POGZ: variants seen among roughly 807,000 people sequenced by gnomAD.
POGZ encodes pogo transposable element with ZNF domain.
A neutral mutation model predicts 134.6 loss-of-function variants in POGZ; 17 were observed. The ratio of observed to expected loss-of-function variants is 0.13; its 90% CI spans 0.09 to 0.19. The LOEUF is 0.19. Ranked by LOEUF, POGZ falls within the 10% of genes least tolerant of loss-of-function variation. POGZ has a pLI of 1.00. For synonymous variants in POGZ, 693 were observed against 657.1 expected (o/e 1.05, Z -0.84); for missense variants, 1,306 against 1,769.7 (o/e 0.74, Z 4.70).
At chr1:151,413,144 G>A (rs1251115828) in intron 10 of POGZ, among the ~76,000 whole-genome samples, 1 of 123,900 alleles carries the variant, frequency 8.1e-6, no homozygotes, top group African/African-American at 3.1e-5. Context: ...GAATCTCACT[G>A]TTGCTCAGGC....
chr1:151,440,821 T>C (rs576607958), intron 3 of POGZ, 107 bp downstream of exon 3: 8 of 835,352 alleles, frequency 9.6e-6, no homozygotes, highest in Admixed American at 2.3e-5. Context: ...TTCCAACTAG[T>C]AGAACCACAT....
chr1:151,444,274 G>A (rs1163330520), intron 1 of POGZ, among the ~76,000 whole-genome samples: 1 of 152,126 alleles, frequency 6.6e-6, no homozygotes, highest in Non-Finnish European at 1.5e-5. Context: ...TTAATTATAT[G>A]AAGACAATAC....
At chr1:151,415,670 C>CAAAAA (rs749459920) in intron 10 of POGZ, among the ~76,000 whole-genome samples, 2 of 54,268 alleles carry the variant, frequency 3.7e-5, no homozygotes, top group Non-Finnish European at 8.7e-5. Context: ...GACTCCGTCT[C>CAAAAA]AAAAAAAAAA....
At chr1:151,443,054 A>G (rs182507863) in intron 1 of POGZ, among the ~76,000 whole-genome samples, 1 of 152,294 alleles carries the variant, frequency 6.6e-6, no homozygotes, top group African/African-American at 2.4e-5. Flanking sequence ...AAAAAGTTTA[A>G]TGTGTAATAC....
chr1:151,410,773 C>G (rs1654525578), intron 12 of POGZ, among the ~76,000 whole-genome samples: 2 of 152,174 alleles, frequency 1.3e-5, no homozygotes, highest in African/African-American at 4.8e-5. Context: ...TCCCCCCTCA[C>G]AAATATACTT....
chr1:151,451,871 TG>T (rs1425054408), intron 1 of POGZ, among the ~76,000 whole-genome samples: 2 of 151,000 alleles, frequency 1.3e-5, no homozygotes, highest in East Asian at 4.0e-4. Flanking sequence ...CCAAGGCAGG[TG>T]GATCACCTCA....
intron 1 of POGZ, among the ~76,000 whole-genome samples, chr1:151,445,936 T>C (rs1220736196): frequency 6.6e-6 from 1 of 151,930 alleles, no homozygotes; most frequent in African/African-American, 2.4e-5. Flanking sequence ...CAAAAGGAAA[T>C]CTTATACTAA....
chr1:151,429,428 C>G (rs1016321095), intron 5 of POGZ, 175 bp downstream of exon 5: 21 of 387,688 alleles, frequency 5.4e-5, no homozygotes, highest in African/African-American at 4.0e-4. Flanking sequence ...ATAAAACCAC[C>G]ACCCTGGCCA....
Position 151,404,284 on chromosome 1 carries a change from T to G in POGZ, c.*518A>C. On this transcript the variant is annotated 3_prime_UTR_variant, in exon 19 of 19. Transcript: ENST00000271715. ...ATGAAAAAAGTTTTTTATCCATATA[T>G]ATAATAAACCAGTTTGTGAGCTACA... is the stretch of plus-strand genomic sequence containing the variant. 1.0e-6 allele frequency: 1 copy of G among 983,048 alleles called. No individual in the cohort carries two copies. The highest frequency in any genetic ancestry group is 1.2e-6 in the Non-Finnish European group (1 of 827,438). The allele number at this position is 983,048 out of a possible 1,614,324, so 60.9% of individuals were successfully genotyped here.
intron 7 of POGZ, 199 bp from the exon 8 acceptor site, chr1:151,425,260 G>T: frequency 2.3e-6 from 1 of 431,724 alleles, no homozygotes; most frequent in South Asian, 2.1e-5. Flanking sequence ...GGAGTGCAGT[G>T]GCACGACCAC....
In POGZ at chr1:151,459,230, A is replaced by C. The variant is rs1415085390; in HGVS notation, c.-80T>G. On this transcript the variant is annotated 5_prime_UTR_variant, in exon 1 of 19. Transcript: ENST00000271715. ...AAAGGGACCTTACACCCGGCGCCAG[A>C]AGGGGGTGGGAGCAGGGGGAGGGGA... 1 of 147,922 alleles carries C rather than the reference A, an allele frequency of 6.8e-6. No homozygotes were observed. Among genetic ancestry groups the C allele is most frequent in the African/African-American group, 2.5e-5 (1 of 40,590 alleles). 9.2% of individuals were successfully genotyped at this position (147,922 alleles called of 1,614,324 possible).
chr1:151,429,305 G>C (rs1658314214), intron 5 of POGZ: 1 of 182,624 alleles, frequency 5.5e-6, no homozygotes, highest in African/African-American at 2.4e-5. Flanking sequence ...GAATTTATGA[G>C]TTTGCATTAA....
intron 3 of POGZ, among the ~76,000 whole-genome samples, chr1:151,433,331 G>T (rs928275304): frequency 2.6e-5 from 4 of 152,138 alleles, no homozygotes; most frequent in Non-Finnish European, 4.4e-5. Flanking sequence ...AAAAAGGCTG[G>T]GCAAGGTGGC....
At chr1:151,425,106 G>A in intron 7 of POGZ, 45 bp from the exon 8 acceptor site, 1 of 1,010,408 alleles carries the variant, frequency 9.9e-7, no homozygotes, top group South Asian at 1.4e-5. Flanking sequence ...CAATGACACT[G>A]GAAAAAGATT....
intron 10 of POGZ, among the ~76,000 whole-genome samples, chr1:151,412,653 G>A (rs572596041): frequency 2.6e-5 from 4 of 152,026 alleles, no homozygotes; most frequent in East Asian, 1.9e-4. Flanking sequence ...TTATTCTATC[G>A]TCAACTCTAA....
Position 151,404,040 on chromosome 1 carries a change from T to C in POGZ, c.*762A>G. ...TCACAAGTGCAAAAAATATTGTTTA[T>C]GTCATGTTTTGGAGGGAAGGTGGTG... On this transcript the variant is annotated 3_prime_UTR_variant, in exon 19 of 19. Coordinates refer to ENST00000271715, the MANE Select transcript of POGZ (RefSeq NM_015100.4). The C allele has an allele frequency of 2.0e-6, 2 of 985,446 alleles. No individual in the cohort carries two copies. The highest frequency in any genetic ancestry group is 9.4e-5 in the South Asian group (2 of 21,290). 61.0% of individuals were successfully genotyped at this position (985,446 alleles called of 1,614,324 possible).
chr1:151,451,685 A>T (rs1662106350), intron 1 of POGZ, among the ~76,000 whole-genome samples: 1 of 152,034 alleles, frequency 6.6e-6, no homozygotes, highest in African/African-American at 2.4e-5. Flanking sequence ...AAAAGAACAA[A>T]TTAAGTATCA....
At chr1:151,423,293 A>G (rs996414524) in intron 10 of POGZ, 104 bp downstream of exon 10, 23 of 952,610 alleles carry the variant, frequency 2.4e-5, no homozygotes, top group African/African-American at 3.3e-5. Context: ...CTTCCTCTAC[A>G]CTGTTACCCA....
chr1:151,452,724 CGTGGTGGCTG>C (rs1417300077), intron 1 of POGZ, among the ~76,000 whole-genome samples: 1 of 151,516 alleles, frequency 6.6e-6, no homozygotes, highest in African/African-American at 2.4e-5. Flanking sequence ...ATTAGCCATG[CGTGGTGGCTG>C]GTGCCTGCAG....
Sources: allele counts gnomAD v4.1 joint callset (sites outside exome capture counted in the v4.1 genomes callset), GRCh38; gene constraint gnomAD v4.1.1; transcripts MANE v1.5; gene names NCBI Gene and HGNC (gene_info 2026-07-23, HGNC 2026-07-21).